Variants in RPS6KA5 observed in about 807,000 individuals in gnomAD.
RPS6KA5 encodes ribosomal protein S6 kinase alpha-5.
Under a neutral mutation model 85.5 loss-of-function variants are expected in RPS6KA5, and 27 were observed. The observed-to-expected ratio is 0.32, with a 90% CI of 0.23 to 0.44. The LOEUF (loss-of-function observed/expected upper bound fraction) is 0.44. Among genes scored for constraint, RPS6KA5 ranks in the 20% least tolerant of loss-of-function variants. The pLI is 1.00. For missense variants in RPS6KA5, 811 were observed against 980.9 expected, an observed-to-expected ratio of 0.83 and a Z score of 2.31; for synonymous variants, 334 against 348.2, an observed-to-expected ratio of 0.96 and a Z score of 0.46.
intron 1 of RPS6KA5, among the ~76,000 whole-genome samples, chr14:91,007,040 T>G (rs1389227643): frequency 6.6e-6 from 1 of 152,210 alleles, no homozygotes; most frequent in Non-Finnish European, 1.5e-5. Context: ...GCACAACTCT[T>G]ATTAAATTTG....
intron 3 of RPS6KA5, among the ~76,000 whole-genome samples, chr14:90,976,838 T>A (rs970879711): frequency 7.2e-5 from 11 of 152,120 alleles, no homozygotes; most frequent in African/African-American, 2.7e-4. Context: ...AAGTGTAACA[T>A]CATGGCTCAA....
chr14:90,992,707 G>C (rs976485246), intron 2 of RPS6KA5, among the ~76,000 whole-genome samples: 10 of 152,158 alleles, frequency 6.6e-5, no homozygotes, highest in African/African-American at 2.4e-4. Context: ...TCTATGCCTT[G>C]AATGTGTGGC....
At chr14:91,057,764 A>T (rs577850788) in intron 1 of RPS6KA5, among the ~76,000 whole-genome samples, 1 of 152,242 alleles carries the variant, frequency 6.6e-6, no homozygotes, top group Non-Finnish European at 1.5e-5. Flanking sequence ...ACATTCAACC[A>T]ACATTTCCTA....
intron 1 of RPS6KA5, among the ~76,000 whole-genome samples, chr14:91,015,909 C>T (rs971504005): frequency 1.3e-5 from 2 of 152,180 alleles, no homozygotes; most frequent in African/African-American, 4.8e-5. Context: ...TGTCTTGTCC[C>T]AGCCTTCATT....
At chr14:91,058,680 AAT>A (rs2043435687) in intron 1 of RPS6KA5, among the ~76,000 whole-genome samples, 1 of 152,234 alleles carries the variant, frequency 6.6e-6, no homozygotes, top group Non-Finnish European at 1.5e-5. Flanking sequence ...GTCTTTTGAA[AAT>A]ATCAGTTGTC....
chr14:91,019,340 G>C (rs966984347), intron 1 of RPS6KA5, among the ~76,000 whole-genome samples: 4 of 152,150 alleles, frequency 2.6e-5, no homozygotes, highest in Admixed American at 2.6e-4. Context: ...GTGGGTGAGT[G>C]TCATCCAATC....
At chr14:91,011,782 G>A (rs1217031560) in intron 1 of RPS6KA5, among the ~76,000 whole-genome samples, 1 of 152,082 alleles carries the variant, frequency 6.6e-6, no homozygotes, top group East Asian at 1.9e-4. Flanking sequence ...ATCCAGTGTT[G>A]AATGACTCCT....
intron 3 of RPS6KA5, among the ~76,000 whole-genome samples, chr14:90,950,139 T>C (rs752183917): frequency 1.3e-5 from 2 of 152,236 alleles, no homozygotes; most frequent in Non-Finnish European, 2.9e-5. Context: ...TTTCAGAGCA[T>C]ACATTTTTGT....
At chr14:90,980,077 A>G (rs2039727806) in intron 2 of RPS6KA5, among the ~76,000 whole-genome samples, 1 of 152,262 alleles carries the variant, frequency 6.6e-6, no homozygotes, top group Non-Finnish European at 1.5e-5. Context: ...TTATAGGTTG[A>G]GACCTCAGTA....
Position 90,858,601 on chromosome 14 carries a change from G to GC in RPS6KA5, c.*13472dup, listed in dbSNP as rs2032393764. On this transcript the variant is annotated 3_prime_UTR_variant, in exon 17 of 17. Coordinates refer to ENST00000614987, the MANE Select transcript of RPS6KA5 (RefSeq NM_004755.4). ...AATACTGCAGCAGCAAGTGCTGCTG[G>GC]CAAGTATTCTTGGGGCAAACAGGAA... 6.6e-6 allele frequency: 1 copy of GC among 152,264 alleles called. No homozygotes were observed. The highest frequency in any genetic ancestry group is 6.5e-5 in the Admixed American group (1 of 15,282). 9.4% of individuals were successfully genotyped at this position (152,264 alleles called of 1,614,324 possible).
intron 15 of RPS6KA5, among the ~76,000 whole-genome samples, chr14:90,874,173 G>T (rs72697513): frequency 7.9e-5 from 12 of 152,214 alleles, no homozygotes; most frequent in South Asian, 2.1e-4. Context: ...GTGCAGTAAG[G>T]CACTAGAGAT....
chr14:90,864,865 T>C lies in RPS6KA5; in HGVS notation c.*7209A>G, dbSNP rs773548139. On this transcript the variant is annotated 3_prime_UTR_variant, in exon 17 of 17. Transcript: ENST00000614987. Reference sequence around the variant, plus strand: ...GAATGGTTAAAACCACAATCAAATATACACATTTGTCAGAGTGGCTAAACT... The same window carrying C: ...GAATGGTTAAAACCACAATCAAATACACACATTTGTCAGAGTGGCTAAACT... The C allele has an allele frequency of 1.2e-4, 19 of 152,330 alleles. No individual in the cohort carries two copies. Among genetic ancestry groups the C allele is most frequent in the South Asian group, 2.1e-4 (1 of 4,832 alleles). 9.4% of individuals were successfully genotyped at this position (152,330 alleles called of 1,614,324 possible).
chr14:90,985,675 T>A (rs1335828346), intron 2 of RPS6KA5, among the ~76,000 whole-genome samples: 1 of 152,210 alleles, frequency 6.6e-6, no homozygotes, highest in Non-Finnish European at 1.5e-5. Flanking sequence ...AAGTGACTTA[T>A]ACTTAGCCAG....
chr14:90,920,974 T>A (rs1396959622), intron 6 of RPS6KA5, among the ~76,000 whole-genome samples: 1 of 152,082 alleles, frequency 6.6e-6, no homozygotes, highest in Non-Finnish European at 1.5e-5. Context: ...TCAAGCAATC[T>A]GCCCACCTCA....
chr14:90,877,496 C>G (rs2033555406), intron 14 of RPS6KA5, among the ~76,000 whole-genome samples: 1 of 152,262 alleles, frequency 6.6e-6, no homozygotes, highest in Non-Finnish European at 1.5e-5. Flanking sequence ...ATCCTTCATG[C>G]AGACACCAGA....
intron 1 of RPS6KA5, among the ~76,000 whole-genome samples, chr14:91,029,840 T>C (rs1044234099): frequency 5.3e-5 from 8 of 152,178 alleles, no homozygotes; most frequent in African/African-American, 1.9e-4. Context: ...TATAATTCAT[T>C]AAAAGGAAGT....
At chr14:91,004,739 G>C (rs368200531) in intron 1 of RPS6KA5, among the ~76,000 whole-genome samples, 7 of 151,982 alleles carry the variant, frequency 4.6e-5, no homozygotes, top group Admixed American at 1.3e-4. Flanking sequence ...AGGCCGAGGC[G>C]GGTGGATCAC....
At chr14:91,031,956 A>T (rs11851354) in intron 1 of RPS6KA5, among the ~76,000 whole-genome samples, 23,602 of 152,142 alleles carry the variant, frequency 0.16, 1,941 homozygotes, top group East Asian at 0.31. Context: ...CTATTTGACT[A>T]AGTATTTATA....
chr14:91,058,448 C>T (rs2043418849), intron 1 of RPS6KA5, among the ~76,000 whole-genome samples: 1 of 152,218 alleles, frequency 6.6e-6, no homozygotes, highest in Admixed American at 6.5e-5. Flanking sequence ...AAGCAGGTTG[C>T]TCCTTGGTCA....
Sources: allele counts gnomAD v4.1 joint callset (sites outside exome capture counted in the v4.1 genomes callset), GRCh38; gene constraint gnomAD v4.1.1; transcripts MANE v1.5; gene names NCBI Gene and HGNC (gene_info 2026-07-23, HGNC 2026-07-21).